The following LRIG1 variants were observed in gnomAD, a reference collection of about 807,000 sequenced individuals.
The protein encoded by LRIG1 is leucine-rich repeats and immunoglobulin-like domains protein 1.
Under a neutral mutation model 99.2 loss-of-function variants are expected in LRIG1, and 48 were observed. That is an observed-to-expected ratio of 0.48 (90% confidence interval 0.38 to 0.62). LRIG1 has a LOEUF of 0.62. LRIG1 is among the 20% of genes least tolerant of loss of function. LRIG1 has a pLI of 0.00. For synonymous variants in LRIG1, 772 were observed against 596.1 expected (o/e 1.29, Z -4.30); for missense variants, 1,646 against 1,434.4 (o/e 1.15, Z -2.38).
chr3:66,404,980 C>T (rs1385409134), intron 9 of LRIG1, among the ~76,000 whole-genome samples: 6 of 152,326 alleles, frequency 3.9e-5, no homozygotes, highest in Admixed American at 1.3e-4. Flanking sequence ...TTGCCAGCCC[C>T]CAAGAACCCA....
chr3:66,398,204 C>T (rs759402190), intron 10 of LRIG1, 21 bp from the exon 11 acceptor site: 1 of 1,605,124 alleles, frequency 6.2e-7, no homozygotes, highest in African/African-American at 1.3e-5. Context: ...ACATACATTA[C>T]TTATGCAAAG....
At chr3:66,496,121 T>C (rs115317195) in intron 1 of LRIG1, among the ~76,000 whole-genome samples, 1,593 of 152,340 alleles carry the variant, frequency 0.01, 35 homozygotes, top group African/African-American at 0.036. Context: ...GAATTACTGC[T>C]GATAATATGT....
chr3:66,424,082 T>A (rs1702901811), intron 3 of LRIG1, among the ~76,000 whole-genome samples: 1 of 152,146 alleles, frequency 6.6e-6, no homozygotes, highest in East Asian at 1.9e-4. Context: ...ACTCTTAACT[T>A]CAAGCATAAA....
rs181385204 is a variant in LRIG1, at chr3:66,493,746, T to C, written c.218+6444A>G. On this transcript the variant is annotated intron_variant, in intron 1 of 18. Transcript: ENST00000273261. ...ACGAGGCTGAGGCTGCAGTGAGTCT[T>C]GATTGCACCACTGCACTCCAGCGTG... Among the ~76,000 whole-genome samples, 235 of 151,268 alleles carry C rather than the reference T, an allele frequency of 1.6e-3. 3 individuals carry two copies. The East Asian group carries it at 0.03, about 19-fold the overall frequency.
chr3:66,390,933 C>T (rs1701592490), intron 12 of LRIG1, among the ~76,000 whole-genome samples: 2 of 151,950 alleles, frequency 1.3e-5, no homozygotes, highest in South Asian at 4.1e-4. Flanking sequence ...GGTCTCATAT[C>T]CAGAATACAT....
At chr3:66,487,884 T>TA (rs1218061453) in intron 1 of LRIG1, among the ~76,000 whole-genome samples, 3 of 152,242 alleles carry the variant, frequency 2.0e-5, no homozygotes, top group South Asian at 2.1e-4. Flanking sequence ...AAGTAGTCCC[T>TA]AATTGTTGTT....
chr3:66,496,388 G>A (rs1175882290), intron 1 of LRIG1, among the ~76,000 whole-genome samples: 3 of 152,290 alleles, frequency 2.0e-5, no homozygotes, highest in Middle Eastern at 6.8e-3. Context: ...CTTAAACAGT[G>A]TGCCTTTTTC....
intron 3 of LRIG1, among the ~76,000 whole-genome samples, chr3:66,451,259 C>A (rs565077230): frequency 6.6e-6 from 1 of 151,722 alleles, no homozygotes; most frequent in Non-Finnish European, 1.5e-5. Context: ...AAAGTTGCAG[C>A]TTAACCAACC....
At chr3:66,395,851 G>T (rs1406994825) in intron 11 of LRIG1, among the ~76,000 whole-genome samples, 1 of 152,236 alleles carries the variant, frequency 6.6e-6, no homozygotes, top group Non-Finnish European at 1.5e-5. Flanking sequence ...GCTGTCAGAA[G>T]CACCTCCAGC....
At chr3:66,406,179 T>C in intron 8 of LRIG1, 1 of 985,456 alleles carries the variant, frequency 1.0e-6, no homozygotes, top group Non-Finnish European at 1.2e-6. Flanking sequence ...ATGCTGGCGG[T>C]GACCTTTCTT....
At chr3:66,454,195 C>T (rs941780727) in intron 2 of LRIG1, among the ~76,000 whole-genome samples, 6 of 152,152 alleles carry the variant, frequency 3.9e-5, no homozygotes, top group Non-Finnish European at 5.9e-5. Context: ...AAAAAAGAAC[C>T]GCTATTCAGA....
chr3:66,383,479 G>C, intron 14 of LRIG1, 78 bp from the exon 15 acceptor site: 1 of 1,292,618 alleles, frequency 7.7e-7, no homozygotes. Context: ...CTGGACAACG[G>C]ACAATCCAAC....
intron 1 of LRIG1, among the ~76,000 whole-genome samples, chr3:66,489,324 G>C (rs943492172): frequency 3.3e-5 from 5 of 152,182 alleles, no homozygotes; most frequent in Non-Finnish European, 4.4e-5. Context: ...AGGAGATCAA[G>C]ACCAGTCTGG....
chr3:66,499,856 C>G (rs1481948332), intron 1 of LRIG1, among the ~76,000 whole-genome samples: 1 of 130,850 alleles, frequency 7.6e-6, no homozygotes, highest in Admixed American at 8.4e-5. Context: ...CGCAAACACA[C>G]TCAGCTCCAG....
intron 14 of LRIG1, 60 bp downstream of exon 14, chr3:66,383,931 G>A: frequency 6.7e-7 from 1 of 1,485,284 alleles, no homozygotes; most frequent in South Asian, 1.3e-5. Context: ...GAGCATTTGA[G>A]AGTCTCTCTC....
At position 66,380,971 on chromosome 3, in the gene LRIG1, A is replaced by C. The variant is rs117833239; in HGVS notation, c.2771-110T>G. ...TGTGCAAGGTGAGAACCCTGACTGC[A>C]AACACTGTATGCATGCTTCCTCTTT... On this transcript the variant is annotated intron_variant, in intron 17 of 18. Coordinates refer to ENST00000273261, the MANE Select transcript of LRIG1 (RefSeq NM_015541.3). 3.0e-3 allele frequency: 3,347 copies of C among 1,109,976 alleles called. 49 individuals are homozygous for C. In the East Asian group the frequency reaches 0.034, roughly 11 times the overall value. The allele number at this position is 1,109,976 out of a possible 1,614,324, so 68.8% of individuals were successfully genotyped here. A position where few individuals can be genotyped will look rare whatever the true frequency, so the allele number is the denominator to read the frequency against.
intron 9 of LRIG1, among the ~76,000 whole-genome samples, chr3:66,403,159 T>A (rs1702128100): frequency 6.6e-6 from 1 of 152,166 alleles, no homozygotes. Context: ...TCACCTCATC[T>A]CTACCTCTAG....
At chr3:66,407,030 G>C (rs1366571643) in intron 8 of LRIG1, among the ~76,000 whole-genome samples, 1 of 152,158 alleles carries the variant, frequency 6.6e-6, no homozygotes, top group Non-Finnish European at 1.5e-5. Flanking sequence ...CGCTCAGCGT[G>C]GGGAAGCTTT....
intron 2 of LRIG1, among the ~76,000 whole-genome samples, chr3:66,457,323 G>C (rs983794293): frequency 6.9e-6 from 1 of 144,108 alleles, no homozygotes; most frequent in African/African-American, 2.6e-5. Context: ...CTGTCTCCAC[G>C]ACTTTTTAGA....
Sources: gnomAD v4.1 joint callset for allele counts (sites outside exome capture counted in the v4.1 genomes callset) on GRCh38, gnomAD v4.1.1 for gene constraint, MANE v1.5 for transcripts, NCBI Gene and HGNC (gene_info 2026-07-23, HGNC 2026-07-21) for gene names.